BTBD2: variants seen among roughly 807,000 people sequenced by gnomAD.
The protein encoded by BTBD2 is BTB/POZ domain-containing protein 2.
Under a neutral mutation model 44.0 loss-of-function variants are expected in BTBD2, and 15 were observed. The ratio of observed to expected loss-of-function variants is 0.34; its 90% CI spans 0.23 to 0.53. The LOEUF (loss-of-function observed/expected upper bound fraction) is 0.53. BTBD2 is among the 20% of genes least tolerant of loss of function. BTBD2 has a pLI of 0.95. For synonymous variants in BTBD2, 443 were observed against 335.9 expected (o/e 1.32, Z -3.49); for missense variants, 657 against 746.4 (o/e 0.88, Z 1.39).
rs757902619 is a variant in BTBD2, at chr19:1,987,663, G to C, written c.1018C>G (p.Arg340Gly). The change falls in exon 6 of 9, where the codon CGC becomes GGC. Residue 340 changes from arginine to glycine, a missense_variant. Arg to Gly is a moderately radical substitution (Grantham distance 125). This residue lies in a region of BTBD2 where 449 missense variants were observed against 510.9 expected (regional missense o/e 0.88). Coordinates refer to ENST00000255608, the MANE Select transcript of BTBD2 (RefSeq NM_017797.4). Reference protein sequence around the residue: ...GPAQSGILVDREVVSLFLHFT... With the variant: ...GPAQSGILVDGEVVSLFLHFT... The stretch of plus-strand genomic sequence containing the variant: ...TGCAGGAAGAGGCTGACCACCTCGC[G>C]GTCCACCAGGATGCCCGACTGTGCG... The C allele has an allele frequency of 4.4e-6, 7 of 1,608,618 alleles. No homozygotes were observed. Among genetic ancestry groups the C allele is most frequent in the Non-Finnish European group, 5.1e-6 (6 of 1,177,472 alleles).
At chr19:2,004,493 C>T (rs1332397491) in intron 1 of BTBD2, among the ~76,000 whole-genome samples, 1 of 151,768 alleles carries the variant, frequency 6.6e-6, no homozygotes, top group Non-Finnish European at 1.5e-5. Context: ...GACGGGGTTT[C>T]TCCATGTTGT....
At position 1,990,787 on chromosome 19, in the gene BTBD2, C is replaced by A. The variant is rs2016165518; in HGVS notation, c.720G>T (p.Leu240=). Residue 240 remains leucine (L), a synonymous_variant, in exon 4 of 9, where the codon CTG becomes CTT. Transcript: ENST00000255608. ...TGTTTTTGTCGATGTTCTCCAGGCACAGGCTGGCCAGCTGCGGTTCATCGA... is the reference window on the plus strand; with the variant it reads ...TGTTTTTGTCGATGTTCTCCAGGCAAAGGCTGGCCAGCTGCGGTTCATCGA... The part of the protein sequence containing the change: ...RLFDEPQLAS[L]CLENIDKNTA... 1.3e-6 allele frequency: 2 copies of A among 1,593,026 alleles called. No homozygotes were observed. The highest frequency in any genetic ancestry group is 1.3e-5 in the African/African-American group (1 of 74,346).
chr19:2,001,587 T>C (rs530452419), intron 1 of BTBD2, among the ~76,000 whole-genome samples: 5 of 152,330 alleles, frequency 3.3e-5, no homozygotes, highest in African/African-American at 1.2e-4. Context: ...GCAACGTCCA[T>C]GAAGAGCCTT....
At position 1,989,728 on chromosome 19, in the gene BTBD2, G is replaced by A. The variant is rs75581590; in HGVS notation, c.988+276C>T. 643 of 498,166 alleles carry A rather than the reference G, an allele frequency of 1.3e-3. 10 individuals are homozygous for A. The East Asian group carries it at 0.019, about 15-fold the overall frequency. The allele number at this position is 498,166 out of a possible 1,614,324, so 30.9% of individuals were successfully genotyped here. A position where few individuals can be genotyped will look rare whatever the true frequency, so the allele number is the denominator to read the frequency against. ...AGCAGGTAGCACAAGGGCGCGAGAC[G>A]GGGACTCCCTTCCCTCCTGGGAAGA... On this transcript the variant is annotated intron_variant, in intron 5 of 8. Transcript: ENST00000255608.
chr19:1,985,989 C>G lies in BTBD2; in HGVS notation c.*499G>C, dbSNP rs1385716271. ...GGCTTGGGTGGCCTCGGGCACGTGA[C>G]AGGTGGGGCCCGTGTCCTGATAAAC... On this transcript the variant is annotated 3_prime_UTR_variant, in exon 9 of 9. Transcript: ENST00000255608. 6.4e-6 allele frequency: 1 copy of G among 156,126 alleles called. No homozygotes were observed. Among genetic ancestry groups the G allele is most frequent in the Non-Finnish European group, 1.4e-5 (1 of 70,480 alleles). The allele number at this position is 156,126 out of a possible 1,614,324, so 9.7% of individuals were successfully genotyped here. A position where few individuals can be genotyped will look rare whatever the true frequency, so the allele number is the denominator to read the frequency against.
chr19:1,998,017 A>G (rs1394147104), intron 1 of BTBD2, among the ~76,000 whole-genome samples: 1 of 152,186 alleles, frequency 6.6e-6, no homozygotes, highest in East Asian at 1.9e-4. Context: ...TCCCGTGGGC[A>G]TGCATTCACT....
chr19:1,987,956 CAG>C (rs1007912349), intron 5 of BTBD2: 20 of 486,810 alleles, frequency 4.1e-5, no homozygotes, highest in Admixed American at 3.8e-4. Context: ...TGCACTCACT[CAG>C]GGGTGATGTC....
intron 2 of BTBD2, among the ~76,000 whole-genome samples, chr19:1,996,794 C>T (rs1369522482): frequency 6.6e-6 from 1 of 152,056 alleles, no homozygotes. Context: ...ATCACTTGAA[C>T]CAGGAAGTCG....
intron 1 of BTBD2, among the ~76,000 whole-genome samples, chr19:2,008,608 T>TTTTTTTTTTTAG (rs2016424753): frequency 6.7e-6 from 1 of 149,018 alleles, no homozygotes; most frequent in African/African-American, 2.5e-5. Flanking sequence ...TTTTTTTTTT[T>TTTTTTTTTTTAG]AGGGACAGAG....
chr19:1,990,263 A>AGTGAGACTAAC, intron 4 of BTBD2, 62 bp from the exon 5 acceptor site: 1 of 1,523,250 alleles, frequency 6.6e-7, no homozygotes. Flanking sequence ...TGCAGGAGGC[A>AGTGAGACTAAC]GTGAGACTAA....
At chr19:1,998,340 A>C (rs369883254) in intron 1 of BTBD2, among the ~76,000 whole-genome samples, 1 of 152,188 alleles carries the variant, frequency 6.6e-6, no homozygotes, top group East Asian at 1.9e-4. Context: ...TCCCATCAGG[A>C]ACGCAAGGCC....
At chr19:1,990,684 G>T (rs746382666) in intron 4 of BTBD2, 33 bp downstream of exon 4, 1 of 1,556,084 alleles carries the variant, frequency 6.4e-7, no homozygotes, top group South Asian at 1.2e-5. Flanking sequence ...AGGCCCCGCT[G>T]GGATTCCCAC....
chr19:2,015,533 C>T lies in BTBD2; in HGVS notation c.171G>A (p.Pro57=), dbSNP rs2016523428. Residue 57 remains proline, a synonymous_variant, in exon 1 of 9, where the codon CCG becomes CCA. Transcript: ENST00000255608. ...AAAAAAAAPG[P]TPPAPPGPGT... ...CGGGGCCCGGCGGGGCGGGCGGCGT[C>T]GGCCCAGGGGCGGCGGCGGCGGCGG... 1 of 946,788 alleles carries T rather than the reference C, an allele frequency of 1.1e-6. No individual in the cohort carries two copies. The highest frequency in any genetic ancestry group is 1.4e-4 in the East Asian group (1 of 7,070). 58.6% of individuals were successfully genotyped at this position (946,788 alleles called of 1,614,324 possible).
intron 2 of BTBD2, among the ~76,000 whole-genome samples, chr19:1,995,582 A>G (rs1246118359): frequency 6.7e-6 from 1 of 149,784 alleles, no homozygotes; most frequent in Non-Finnish European, 1.5e-5. Context: ...GCGCCTGGCC[A>G]CTTTGGATTC....
intron 1 of BTBD2, chr19:2,013,791 G>T: frequency 1.9e-6 from 1 of 528,644 alleles, no homozygotes; most frequent in Non-Finnish European, 2.4e-6. Context: ...TCCGGTGGGG[G>T]TCACTGGGTC....
At chr19:1,987,787 T>G in intron 5 of BTBD2, 95 bp from the exon 6 acceptor site, 2 of 1,303,734 alleles carry the variant, frequency 1.5e-6, no homozygotes, top group Non-Finnish European at 2.1e-6. Context: ...GATGTCTGCG[T>G]CGGACTTTCA....
chr19:1,990,207 G>A lies in BTBD2; in HGVS notation c.791-6C>T, dbSNP rs1360536773. ...CAGGACAGCCACCAGCGTGTCTGTG[G>A]GGTGGAGGAAGGGGCTGCGTGAACA... On this transcript the variant is annotated splice_polypyrimidine_tract_variant and splice_region_variant and intron_variant, in intron 4 of 8. Coordinates refer to ENST00000255608, the MANE Select transcript of BTBD2 (RefSeq NM_017797.4). 2 of 1,589,266 alleles carry A rather than the reference G, an allele frequency of 1.3e-6. No individual in the cohort carries two copies. Among genetic ancestry groups the A allele is most frequent in the African/African-American group, 1.3e-5 (1 of 74,336 alleles).
intron 3 of BTBD2, among the ~76,000 whole-genome samples, chr19:1,992,697 A>C (rs1357236496): frequency 6.6e-6 from 1 of 151,748 alleles, no homozygotes; most frequent in Non-Finnish European, 1.5e-5. Context: ...TCAGCCTCCC[A>C]AGTAGCTGGA....
intron 1 of BTBD2, among the ~76,000 whole-genome samples, chr19:2,003,766 C>T (rs530750013): frequency 3.6e-4 from 46 of 127,436 alleles, no homozygotes; most frequent in Admixed American, 8.9e-4. Context: ...AACGAAACTC[C>T]GTCAAAGAAA....
Sources: gnomAD v4.1 joint callset for allele counts (sites outside exome capture counted in the v4.1 genomes callset) on GRCh38, gnomAD v4.1.1 for gene constraint, gnomAD v4.1.1 regional missense constraint, MANE v1.5 for transcripts, NCBI Gene and HGNC (gene_info 2026-07-23, HGNC 2026-07-21) for gene names.